The following SYNGR4 variants were observed in gnomAD, a reference collection of about 807,000 sequenced individuals.
SYNGR4 encodes the protein synaptogyrin 4, also known as synaptogyrin-4.
In SYNGR4, 15 loss-of-function variants were observed where a neutral mutation model predicts 15.5. That is an observed-to-expected ratio of 0.97 (90% CI 0.65 to 1.49). SYNGR4 has a LOEUF of 1.49. Ranked by LOEUF, SYNGR4 falls within the 40% of genes most tolerant of loss-of-function variation. The probability of loss-of-function intolerance (pLI) is 0.00; values close to 1 mark genes in which losing one functional copy is unlikely to be tolerated. For missense variants in SYNGR4, 292 were observed against 299.3 expected, an observed-to-expected ratio of 0.98 and a Z score of 0.18; for synonymous variants, 121 against 127.4, an observed-to-expected ratio of 0.95 and a Z score of 0.34.
intron 2 of SYNGR4, 35 bp downstream of exon 2, chr19:48,365,970 G>A (rs374801846): frequency 2.2e-5 from 36 of 1,605,548 alleles, no homozygotes; most frequent in Non-Finnish European, 2.7e-5. Context: ...GTGCCCCTGG[G>A]TGACAGGAGC....
At position 48,373,588 on chromosome 19, in the gene SYNGR4, C is replaced by T; in HGVS notation, c.165C>T (p.Leu55=). The T allele has an allele frequency of 6.2e-7, 1 of 1,613,880 alleles. No individual in the cohort carries two copies. Among genetic ancestry groups the T allele is most frequent in the Non-Finnish European group, 8.5e-7 (1 of 1,180,030 alleles). The change falls in exon 3 of 5, where the codon CTC becomes CTT. Residue 55 remains leucine, a synonymous_variant. Coordinates refer to ENST00000344846, the MANE Select transcript of SYNGR4 (RefSeq NM_012451.4). ...AGAACAAGATGGAGTCTCCGCAGCT[C>T]CACTGCATTCTCAACAGCAACAGCG... The part of the protein sequence containing the change: ...GYQNKMESPQ[L]HCILNSNSVA...
chr19:48,376,090 C>T lies in SYNGR4; in HGVS notation c.477C>T (p.Phe159=), dbSNP rs1970398787. Reference sequence around the variant, plus strand: ...ACGCGCTTTTCTGCCCACAGATATTCCAGGCCTACCTGGCATTCCAGGACC... The same window carrying T: ...ACGCGCTTTTCTGCCCACAGATATTTCAGGCCTACCTGGCATTCCAGGACC... ...FTFFSILVWI[F]QAYLAFQDLR... is the part of the protein sequence containing the mutation. The change falls in exon 5 of 5, where the codon TTC becomes TTT. Residue 159 remains phenylalanine, a synonymous_variant. Coordinates refer to ENST00000344846, the MANE Select transcript of SYNGR4 (RefSeq NM_012451.4). The T allele has an allele frequency of 1.2e-6, 2 of 1,614,026 alleles. No homozygotes were observed. Among genetic ancestry groups the T allele is most frequent in the Non-Finnish European group, 1.7e-6 (2 of 1,180,034 alleles).
intron 3 of SYNGR4, among the ~76,000 whole-genome samples, chr19:48,375,318 G>T (rs1053563129): frequency 2.0e-5 from 3 of 151,908 alleles, no homozygotes; most frequent in Non-Finnish European, 4.4e-5. Context: ...TAGCCACCTC[G>T]CCTAGCCTAA....
intron 2 of SYNGR4, among the ~76,000 whole-genome samples, chr19:48,368,471 C>T (rs1569044405): frequency 1.3e-5 from 2 of 151,896 alleles, no homozygotes; most frequent in African/African-American, 2.4e-5. Context: ...CTGCAACTTT[C>T]GCCTCCTGGG....
In SYNGR4 at chr19:48,373,454, G is replaced by C; in HGVS notation, c.94-63G>C. ...TATACGGAAAGACCGACAGCACCAGGGAGGAAGGAGGAGCAGCTTCAGGGA... is the reference window on the plus strand; with the variant it reads ...TATACGGAAAGACCGACAGCACCAGCGAGGAAGGAGGAGCAGCTTCAGGGA... On this transcript the variant is annotated intron_variant, in intron 2 of 4. Transcript: ENST00000344846. 2.8e-6 allele frequency: 4 copies of C among 1,407,700 alleles called. No individual in the cohort carries two copies. The South Asian group carries it at 4.7e-5, about 16-fold the overall frequency. 87.2% of individuals were successfully genotyped at this position (1,407,700 alleles called of 1,614,324 possible).
intron 1 of SYNGR4, 95 bp from the exon 2 acceptor site, chr19:48,365,641 C>CCA: frequency 9.2e-6 from 3 of 324,582 alleles, no homozygotes; most frequent in South Asian, 3.2e-5. Context: ...GGGGACCCCC[C>CCA]CCATCCCCAC....
At chr19:48,364,284 A>G (rs907419407), upstream of SYNGR4, 7 of 293,896 alleles carry the variant, frequency 2.4e-5, no homozygotes, top group African/African-American at 1.6e-4. Flanking sequence ...GTAGGCGGAA[A>G]GAGGGAGGGG....
chr19:48,374,663 G>A (rs950820639), intron 3 of SYNGR4, among the ~76,000 whole-genome samples: 1 of 152,146 alleles, frequency 6.6e-6, no homozygotes, highest in Non-Finnish European at 1.5e-5. Context: ...CTGACCACCC[G>A]TGGCTATTAA....
intron 2 of SYNGR4, 91 bp downstream of exon 2, chr19:48,366,026 A>G: frequency 1.5e-6 from 2 of 1,371,902 alleles, no homozygotes; most frequent in Non-Finnish European, 1.0e-6. Flanking sequence ...TGGGAGGACA[A>G]GGAAGGGGTC....
At chr19:48,369,560 T>A (rs1013712109) in intron 2 of SYNGR4, among the ~76,000 whole-genome samples, 1 of 152,130 alleles carries the variant, frequency 6.6e-6, no homozygotes, top group African/African-American at 2.4e-5. Context: ...TTCCTCCTTT[T>A]CATAGCATAG....
Position 48,365,738 on chromosome 19 carries a change from G to A in SYNGR4, c.-105G>A, listed in dbSNP as rs1372923915. 5.6e-6 allele frequency: 6 copies of A among 1,067,994 alleles called. No individual in the cohort carries two copies. The highest frequency in any genetic ancestry group is 2.1e-5 in the Admixed American group (1 of 48,766). 66.2% of individuals were successfully genotyped at this position (1,067,994 alleles called of 1,614,324 possible). A position where few individuals can be genotyped will look rare whatever the true frequency, so the allele number is the denominator to read the frequency against. ...CCCCCATCTGTGTCATCCCACAGCA[G>A]CCAAGCCCAGGGCTGGCCTGAAGCC... On this transcript the variant is annotated splice_region_variant and 5_prime_UTR_variant, in exon 2 of 5. Coordinates refer to ENST00000344846, the MANE Select transcript of SYNGR4 (RefSeq NM_012451.4).
Position 48,375,771 on chromosome 19 carries a change from A to C in SYNGR4, c.471+19A>C. The C allele has an allele frequency of 6.2e-7, 1 of 1,604,946 alleles. No homozygotes were observed. Among genetic ancestry groups the C allele is most frequent in the Non-Finnish European group, 8.5e-7 (1 of 1,173,288 alleles). ...TGTCTGGGTGAGGACAAGCCCCTCC[A>C]CCACCCCTCCCTAGGAGGGCACCCT... On this transcript the variant is annotated intron_variant, in intron 4 of 4. Coordinates refer to ENST00000344846, the MANE Select transcript of SYNGR4 (RefSeq NM_012451.4).
At chr19:48,365,210 C>T (rs555347466) in intron 1 of SYNGR4, among the ~76,000 whole-genome samples, 1 of 147,742 alleles carries the variant, frequency 6.8e-6, no homozygotes, top group South Asian at 2.1e-4. Context: ...CTAGTATCCC[C>T]ATCCTATGCC....
chr19:48,373,281 AG>A, intron 2 of SYNGR4: 1 of 539,326 alleles, frequency 1.9e-6, no homozygotes, highest in South Asian at 2.1e-5. Context: ...GGAGGTGGGG[AG>A]GCTGGGAGGA....
chr19:48,366,110 TATTGAGGCACTGATGGACTCTC>T (rs1342284984), intron 2 of SYNGR4, among the ~76,000 whole-genome samples, 175 bp downstream of exon 2: 14 of 152,124 alleles, frequency 9.2e-5, no homozygotes, highest in African/African-American at 3.4e-4. Context: ...GGCCCTATGC[TATTGAGGCACTGATGGACTCTC>T]ATAGTAAGGA....
chr19:48,374,130 T>G (rs140805695), intron 3 of SYNGR4, among the ~76,000 whole-genome samples: 8,354 of 145,422 alleles, frequency 0.057, 292 homozygotes, highest in Non-Finnish European at 0.089. Context: ...CAGGCTGGAG[T>G]GCACTGGCAC....
At chr19:48,375,873 C>T (rs1216494384) in intron 4 of SYNGR4, 121 bp downstream of exon 4, 6 of 1,522,774 alleles carry the variant, frequency 3.9e-6, no homozygotes, top group Non-Finnish European at 5.2e-6. Context: ...TCGGGGGTTC[C>T]CCCAGGACTC....
intron 2 of SYNGR4, among the ~76,000 whole-genome samples, chr19:48,369,600 G>T (rs989137870): frequency 3.3e-5 from 5 of 152,210 alleles, no homozygotes; most frequent in African/African-American, 1.2e-4. Flanking sequence ...GGCTCCAAGA[G>T]ATGAGTGATT....
rs527712089 is a variant in SYNGR4 at position 48,368,002 on chromosome 19, A to G, written c.93+2067A>G. ...CACCCCCAGAGTGCTAATCCAGAGT[A>G]TCTCCTCTCTGCCCCTTCTAGAGCC... On this transcript the variant is annotated intron_variant, in intron 2 of 4. Coordinates refer to ENST00000344846, the MANE Select transcript of SYNGR4 (RefSeq NM_012451.4). Among the ~76,000 whole-genome samples, 6 of 152,326 alleles carry G rather than the reference A, an allele frequency of 3.9e-5. No homozygotes were observed. In the South Asian group the frequency reaches 1.2e-3, roughly 32 times the overall value.
Sources: allele counts gnomAD v4.1 joint callset (sites outside exome capture counted in the v4.1 genomes callset), GRCh38; gene constraint gnomAD v4.1.1; transcripts MANE v1.5; gene names NCBI Gene and HGNC (gene_info 2026-07-23, HGNC 2026-07-21).